Variants in C1D observed in about 807,000 individuals in gnomAD.
C1D encodes nuclear nucleic acid-binding protein C1D.
Under a neutral mutation model 17.5 loss-of-function variants are expected in C1D, and 10 were observed. That is an observed-to-expected ratio of 0.57 (90% CI 0.35 to 0.97). The LOEUF (loss-of-function observed/expected upper bound fraction) is 0.97. Ranked by LOEUF, C1D falls within the 50% of genes least tolerant of loss-of-function variation. C1D has a pLI of 0.01. For missense variants in C1D, 136 were observed against 160.1 expected, an observed-to-expected ratio of 0.85 and a Z score of 0.81; for synonymous variants, 49 against 54.0, an observed-to-expected ratio of 0.91 and a Z score of 0.40.
At chr2:68,054,237 T>C (rs1034060758) in intron 1 of C1D, among the ~76,000 whole-genome samples, 1 of 152,192 alleles carries the variant, frequency 6.6e-6, no homozygotes, top group African/African-American at 2.4e-5. Context: ...GCAAGTTCTC[T>C]GACCCTTACT....
intron 1 of C1D, among the ~76,000 whole-genome samples, chr2:68,051,239 C>G (rs1304480636): frequency 2.6e-5 from 4 of 152,178 alleles, no homozygotes; most frequent in Non-Finnish European, 4.4e-5. Context: ...TTACAGTGGG[C>G]CCGGCCTGGT....
At position 68,051,241 on chromosome 2, in the gene C1D, C is replaced by T. The variant is rs185517153; in HGVS notation, c.-9-3922G>A. Among the ~76,000 whole-genome samples, 34 of 152,310 alleles carry T rather than the reference C, an allele frequency of 2.2e-4. No individual in the cohort carries two copies. In the East Asian group the frequency reaches 6.0e-3, roughly 27 times the overall value. On this transcript the variant is annotated intron_variant, in intron 1 of 4. Transcript: ENST00000410067. ...AAGACAAAAATCCTTACAGTGGGCC[C>T]GGCCTGGTGGCTCATGCCTGTAAAT...
rs991721038 is a variant in C1D at position 68,060,440 on chromosome 2, G to A, written c.-10+2518C>T. Among the ~76,000 whole-genome samples, 6 of 152,160 alleles carry A rather than the reference G, an allele frequency of 3.9e-5. No individual in the cohort carries two copies. The East Asian group carries it at 5.8e-4, about 15-fold the overall frequency. On this transcript the variant is annotated intron_variant, in intron 1 of 4. Coordinates refer to ENST00000410067, the MANE Select transcript of C1D (RefSeq NM_173177.3). ...GCGGATCACCTGAGGTCAGGGGTTC[G>A]AGACCAGCCTGGCCAACATGGTGAA...
Position 68,061,999 on chromosome 2 carries a change from A to G in C1D, c.-10+959T>C, listed in dbSNP as rs78124206. Reference sequence around the variant, plus strand: ...AACACAAACATTTCTCTGTACTTCAATAGGGCTAATCTGTTGTTTTTGAAT... The same window carrying G: ...AACACAAACATTTCTCTGTACTTCAGTAGGGCTAATCTGTTGTTTTTGAAT... On this transcript the variant is annotated intron_variant, in intron 1 of 4. Coordinates refer to ENST00000410067, the MANE Select transcript of C1D (RefSeq NM_173177.3). Among the ~76,000 whole-genome samples, 815 of 152,350 alleles carry G rather than the reference A, an allele frequency of 5.3e-3. 1 individual carries two copies. Among genetic ancestry groups the G allele is most frequent in the African/African-American group, 0.018 (749 of 41,578 alleles).
intron 3 of C1D, 124 bp from the exon 4 acceptor site, chr2:68,046,167 A>G (rs945924940): frequency 1.2e-6 from 1 of 839,398 alleles, no homozygotes; most frequent in Middle Eastern, 3.5e-4. Flanking sequence ...AAATTATTCA[A>G]TTTCCATGTA....
rs540292447 is a variant in C1D, at chr2:68,049,153, T to C, written c.-9-1834A>G. Among the ~76,000 whole-genome samples, 55 of 149,364 alleles carry C rather than the reference T, an allele frequency of 3.7e-4. No individual in the cohort carries two copies. The South Asian group carries it at 9.7e-3, about 26-fold the overall frequency. On this transcript the variant is annotated intron_variant, in intron 1 of 4. Coordinates refer to ENST00000410067, the MANE Select transcript of C1D (RefSeq NM_173177.3). ...TGGAGGTTGCAGTGAGCCAAGATTG[T>C]GCCACTACACTTCAGCCTGGGCAAC...
intron 4 of C1D, among the ~76,000 whole-genome samples, 197 bp downstream of exon 4, chr2:68,045,791 G>A (rs182101881): frequency 9.2e-4 from 140 of 151,508 alleles, no homozygotes; most frequent in African/African-American, 3.3e-3. Flanking sequence ...TTCCCATTCC[G>A]AGATTTATAT....
intron 1 of C1D, among the ~76,000 whole-genome samples, chr2:68,052,761 C>T (rs1202872768): frequency 6.6e-6 from 1 of 152,128 alleles, no homozygotes; most frequent in East Asian, 1.9e-4. Context: ...CCTCCTAATT[C>T]AATTGATTTC....
intron 1 of C1D, among the ~76,000 whole-genome samples, chr2:68,061,812 C>G (rs1013142737): frequency 2.0e-5 from 3 of 152,180 alleles, no homozygotes; most frequent in Non-Finnish European, 4.4e-5. Flanking sequence ...AAGGTAAAAG[C>G]AGTTAAGAAA....
intron 1 of C1D, among the ~76,000 whole-genome samples, chr2:68,051,859 A>G (rs1240924205): frequency 1.3e-5 from 2 of 151,514 alleles, no homozygotes; most frequent in Non-Finnish European, 1.5e-5. Flanking sequence ...CTCCTCCCCA[A>G]CCTTACATTC....
At chr2:68,060,380 G>A (rs1186604043) in intron 1 of C1D, among the ~76,000 whole-genome samples, 3 of 152,142 alleles carry the variant, frequency 2.0e-5, no homozygotes, top group East Asian at 1.9e-4. Flanking sequence ...AGTGACTGAC[G>A]CCTGTAATCC....
chr2:68,053,042 AAAG>A (rs1158923687), intron 1 of C1D: 5 of 1,547,230 alleles, frequency 3.2e-6, no homozygotes, highest in African/African-American at 1.4e-5. Context: ...TAAAATTTCC[AAAG>A]AAGAAAAGAA....
chr2:68,052,998 A>T lies in C1D; in HGVS notation c.-9-5679T>A, dbSNP rs192841907. 8.4e-5 allele frequency: 129 copies of T among 1,534,254 alleles called. No individual in the cohort carries two copies. In the African/African-American group the frequency reaches 1.5e-3, roughly 18 times the overall value. Reference sequence around the variant, plus strand: ...TCACAGATGAATAAACTGAGCCAAAAGAAGTTAAAGAACATGCCTAAAGTT... The same window carrying T: ...TCACAGATGAATAAACTGAGCCAAATGAAGTTAAAGAACATGCCTAAAGTT... On this transcript the variant is annotated intron_variant, in intron 1 of 4. Coordinates refer to ENST00000410067, the MANE Select transcript of C1D (RefSeq NM_173177.3).
At chr2:68,058,309 C>T (rs1671498019) in intron 1 of C1D, among the ~76,000 whole-genome samples, 1 of 152,134 alleles carries the variant, frequency 6.6e-6, no homozygotes, top group African/African-American at 2.4e-5. Context: ...GGATGATAGA[C>T]ATTAATCAAA....
chr2:68,051,123 A>G (rs952960552), intron 1 of C1D, among the ~76,000 whole-genome samples: 2 of 152,230 alleles, frequency 1.3e-5, no homozygotes, highest in African/African-American at 4.8e-5. Flanking sequence ...AAAGTCTATT[A>G]TCAAGAATAC....
intron 1 of C1D, among the ~76,000 whole-genome samples, chr2:68,061,426 C>T (rs1414105199): frequency 2.6e-5 from 4 of 152,074 alleles, no homozygotes; most frequent in Non-Finnish European, 4.4e-5. Flanking sequence ...ATATAAATTA[C>T]GAGGATATTG....
intron 2 of C1D, 99 bp from the exon 3 acceptor site, chr2:68,046,509 T>C (rs1671125944): frequency 2.6e-6 from 2 of 762,484 alleles, no homozygotes; most frequent in African/African-American, 3.6e-5. Flanking sequence ...TTTTACCAAG[T>C]ACAATGTATC....
At chr2:68,062,777 G>C (rs1043211743) in intron 1 of C1D, among the ~76,000 whole-genome samples, 181 bp downstream of exon 1, 2 of 152,106 alleles carry the variant, frequency 1.3e-5, no homozygotes, top group Non-Finnish European at 2.9e-5. Flanking sequence ...AGCGGAAGTG[G>C]GGGACCTGCC....
rs367550098 is a variant in C1D, at chr2:68,047,247, C to T, written c.64G>A (p.Glu22Lys). ...VEIHEYLSAF[E>K]NSIGAVDEML... ...TCATCCACAGCACCAATGGAATTCT[C>T]AAACGCTGACAAATACTCGTGAATT... is the stretch of plus-strand genomic sequence containing the variant. Residue 22 changes from glutamate to lysine, a missense_variant, in exon 2 of 5, where the codon GAG (glutamate) becomes AAG (lysine). Coordinates refer to ENST00000410067, the MANE Select transcript of C1D (RefSeq NM_173177.3). 5.0e-6 allele frequency: 8 copies of T among 1,612,668 alleles called. No individual in the cohort carries two copies. Among genetic ancestry groups the T allele is most frequent in the Admixed American group, 1.7e-5 (1 of 59,920 alleles).
Sources: gnomAD v4.1 joint callset for allele counts (sites outside exome capture counted in the v4.1 genomes callset) on GRCh38, gnomAD v4.1.1 for gene constraint, MANE v1.5 for transcripts, NCBI Gene and HGNC (gene_info 2026-07-23, HGNC 2026-07-21) for gene names.